Variants in CLSTN2 observed in about 807,000 individuals in gnomAD.
CLSTN2 encodes calsyntenin 2.
Under a neutral mutation model 101.2 loss-of-function variants are expected in CLSTN2, and 48 were observed. The observed-to-expected ratio is 0.47, with a 90% CI of 0.38 to 0.60. CLSTN2 has a LOEUF of 0.60. Among genes scored for constraint, CLSTN2 ranks in the 20% least tolerant of loss-of-function variants. The pLI, the probability that CLSTN2 is intolerant of heterozygous loss-of-function variation, is 0.00. For missense variants in CLSTN2, 1,160 were observed against 1,238.2 expected (o/e 0.94, Z 0.95); for synonymous variants, 481 against 463.6 (o/e 1.04, Z -0.48).
intron 9 of CLSTN2, among the ~76,000 whole-genome samples, chr3:140,539,973 G>C (rs1235425284): frequency 2.6e-5 from 4 of 152,160 alleles, no homozygotes; most frequent in Admixed American, 6.5e-5. Context: ...ACTAAAGATT[G>C]ACAGGCCCAT....
rs149377710 is a variant in CLSTN2 at position 140,280,867 on chromosome 3, A to T, written c.232+104794A>T. Among the ~76,000 whole-genome samples, 565 of 152,330 alleles carry T rather than the reference A, an allele frequency of 3.7e-3. 4 individuals are homozygous for T. The highest frequency in any genetic ancestry group is 0.013 in the African/African-American group (545 of 41,584). ...GACTTTGTAAAATAAGGACTTTTGTACACTAAATTGGACCTGGGATGGCAA... is the reference window on the plus strand; with the variant it reads ...GACTTTGTAAAATAAGGACTTTTGTTCACTAAATTGGACCTGGGATGGCAA... On this transcript the variant is annotated intron_variant, in intron 2 of 16. Transcript: ENST00000458420.
intron 8 of CLSTN2, among the ~76,000 whole-genome samples, chr3:140,476,274 T>C (rs1029197812): frequency 1.3e-5 from 2 of 152,256 alleles, no homozygotes; most frequent in Non-Finnish European, 2.9e-5. Flanking sequence ...CTGGCCACTG[T>C]GAAGTCCACG....
At chr3:140,470,746 A>T (rs536830159) in intron 8 of CLSTN2, among the ~76,000 whole-genome samples, 3 of 152,344 alleles carry the variant, frequency 2.0e-5, no homozygotes, top group South Asian at 4.1e-4. Flanking sequence ...GACATTCATC[A>T]GATTTATCAA....
chr3:140,103,703 A>T (rs1420288142), intron 1 of CLSTN2, among the ~76,000 whole-genome samples: 3 of 152,192 alleles, frequency 2.0e-5, no homozygotes, highest in African/African-American at 7.2e-5. Context: ...CAGGAGTAAT[A>T]CGTCATTTCC....
intron 2 of CLSTN2, among the ~76,000 whole-genome samples, chr3:140,370,437 AGC>A (rs2087840312): frequency 6.6e-6 from 1 of 151,886 alleles, no homozygotes; most frequent in Non-Finnish European, 1.5e-5. Flanking sequence ...CACGCAACAC[AGC>A]GTCTGGCATA....
At position 140,457,737 on chromosome 3, in the gene CLSTN2, G is replaced by A. The variant is rs113852006; in HGVS notation, c.974-1784G>A. Among the ~76,000 whole-genome samples, 1,501 of 152,304 alleles carry A rather than the reference G, an allele frequency of 9.9e-3. 17 individuals carry two copies. Among genetic ancestry groups the A allele is most frequent in the Non-Finnish European group, 0.011 (742 of 68,030 alleles). The stretch of plus-strand genomic sequence containing the variant: ...GTGAATTTCCAGGAGCATCTCGTGA[G>A]AGCACTGAGTGGCAATTATAAATAT... On this transcript the variant is annotated intron_variant, in intron 6 of 16. Transcript: ENST00000458420.
intron 2 of CLSTN2, among the ~76,000 whole-genome samples, chr3:140,345,644 A>G (rs1414063147): frequency 6.8e-6 from 1 of 147,658 alleles, no homozygotes; most frequent in East Asian, 2.0e-4. Flanking sequence ...TGGAGCCAGA[A>G]GCATGGAGCA....
At chr3:140,277,947 C>T (rs539338299) in intron 2 of CLSTN2, among the ~76,000 whole-genome samples, 1 of 152,310 alleles carries the variant, frequency 6.6e-6, no homozygotes, top group East Asian at 1.9e-4. Flanking sequence ...GAAGGATTAA[C>T]CTGCATCTTA....
rs111880598 is a variant in CLSTN2 at position 140,362,975 on chromosome 3, C to A, written c.233-40654C>A. On this transcript the variant is annotated intron_variant, in intron 2 of 16. Coordinates refer to ENST00000458420, the MANE Select transcript of CLSTN2 (RefSeq NM_022131.3). ...TATCATATGACCTAGAAATTTCATTCCTGGGCATCATCTAAGGATATGAAA... is the reference window on the plus strand; with the variant it reads ...TATCATATGACCTAGAAATTTCATTACTGGGCATCATCTAAGGATATGAAA... Among the ~76,000 whole-genome samples, 333 of 152,088 alleles carry A rather than the reference C, an allele frequency of 2.2e-3. 2 individuals are homozygous for A. Among genetic ancestry groups the A allele is most frequent in the African/African-American group, 7.4e-3 (309 of 41,492 alleles).
intron 8 of CLSTN2, among the ~76,000 whole-genome samples, chr3:140,522,025 G>GA (rs1177449315): frequency 6.6e-6 from 1 of 152,194 alleles, no homozygotes; most frequent in East Asian, 1.9e-4. Flanking sequence ...ACACCTCTGT[G>GA]AGTCAGACCC....
At chr3:140,524,511 A>C (rs982039877) in intron 8 of CLSTN2, among the ~76,000 whole-genome samples, 3 of 152,218 alleles carry the variant, frequency 2.0e-5, no homozygotes, top group Admixed American at 6.5e-5. Context: ...TCAACAGCCC[A>C]CTGACAGTGT....
chr3:139,964,913 C>T (rs1214081513), intron 1 of CLSTN2, among the ~76,000 whole-genome samples: 1 of 152,070 alleles, frequency 6.6e-6, no homozygotes, highest in African/African-American at 2.4e-5. Flanking sequence ...TGGGGAATGA[C>T]CTGTTTTGTC....
At chr3:140,239,088 G>A (rs551256821) in intron 2 of CLSTN2, among the ~76,000 whole-genome samples, 1 of 152,154 alleles carries the variant, frequency 6.6e-6, no homozygotes, top group East Asian at 1.9e-4. Context: ...GCAATCTTTG[G>A]CCACATCTGG....
In CLSTN2 at chr3:140,461,220, T is replaced by C. The variant is rs1306347054; in HGVS notation, c.1222+1451T>C. 2.0e-5 allele frequency: 3 copies of C among 152,196 alleles called. No homozygotes were observed. In the East Asian group the frequency reaches 5.8e-4, roughly 29 times the overall value. The allele number at this position is 152,196 out of a possible 1,614,324, so 9.4% of individuals were successfully genotyped here. A position where few individuals can be genotyped will look rare whatever the true frequency, so the allele number is the denominator to read the frequency against. On this transcript the variant is annotated intron_variant, in intron 7 of 16. Coordinates refer to ENST00000458420, the MANE Select transcript of CLSTN2 (RefSeq NM_022131.3). Reference sequence around the variant, plus strand: ...AGGTGCCTGGCTTTCCCTATTTATATAGCAAGTCTATGTAGAAGTCAGTGC... The same window carrying C: ...AGGTGCCTGGCTTTCCCTATTTATACAGCAAGTCTATGTAGAAGTCAGTGC...
Position 140,476,223 on chromosome 3 carries a change from G to A in CLSTN2, c.1344+9492G>A, listed in dbSNP as rs1046335319. ...AATCCTAATATGTAATGGCCAATTC[G>A]TTGCTAATCCTGCTTACTTGGGAGA... On this transcript the variant is annotated intron_variant, in intron 8 of 16. Transcript: ENST00000458420. Among the ~76,000 whole-genome samples, 7 of 152,308 alleles carry A rather than the reference G, an allele frequency of 4.6e-5. No homozygotes were observed. In the East Asian group the frequency reaches 7.7e-4, roughly 17 times the overall value.
At chr3:140,472,895 C>T (rs907027826) in intron 8 of CLSTN2, among the ~76,000 whole-genome samples, 1 of 152,126 alleles carries the variant, frequency 6.6e-6, no homozygotes, top group Non-Finnish European at 1.5e-5. Flanking sequence ...TATATGGCTT[C>T]CTGACAAGCC....
chr3:140,158,242 A>G (rs897536315), intron 1 of CLSTN2, among the ~76,000 whole-genome samples: 1 of 152,228 alleles, frequency 6.6e-6, no homozygotes, highest in Non-Finnish European at 1.5e-5. Context: ...AAGGCACCCT[A>G]ATAGGAAAAG....
At chr3:140,195,165 C>CT (rs1377679003) in intron 2 of CLSTN2, among the ~76,000 whole-genome samples, 2 of 152,192 alleles carry the variant, frequency 1.3e-5, no homozygotes, top group African/African-American at 4.8e-5. Flanking sequence ...ATTCTTTATG[C>CT]CGTGTTTATC....
At chr3:140,422,006 A>G (rs959602279) in intron 5 of CLSTN2, among the ~76,000 whole-genome samples, 1 of 152,080 alleles carries the variant, frequency 6.6e-6, no homozygotes, top group Admixed American at 6.6e-5. Flanking sequence ...GGATTCTAGA[A>G]TTATCTCTGC....
Sources: gnomAD v4.1 joint callset for allele counts (sites outside exome capture counted in the v4.1 genomes callset) on GRCh38, gnomAD v4.1.1 for gene constraint, MANE v1.5 for transcripts, NCBI Gene and HGNC (gene_info 2026-07-23, HGNC 2026-07-21) for gene names.